Variants in BANP observed in about 807,000 individuals in gnomAD.
The protein encoded by BANP is protein BANP.
In BANP, 11 loss-of-function variants were observed where a neutral mutation model predicts 68.1. The observed-to-expected ratio is 0.16, with a 90% CI of 0.10 to 0.27. BANP has a LOEUF of 0.27. Among genes scored for constraint, BANP ranks in the 10% least tolerant of loss-of-function variants. The pLI is 1.00. For synonymous variants in BANP, 329 were observed against 303.2 expected (o/e 1.09, Z -0.88); for missense variants, 504 against 722.7 (o/e 0.70, Z 3.47).
At chr16:87,999,024 A>C (rs1257182063) in intron 4 of BANP, among the ~76,000 whole-genome samples, 11 of 107,366 alleles carry the variant, frequency 1.0e-4, no homozygotes, top group African/African-American at 2.6e-4. Context: ...GTCTCCATGC[A>C]CGCACGTGTG....
chr16:88,024,474 C>T (rs994925486), intron 7 of BANP, among the ~76,000 whole-genome samples: 27 of 152,208 alleles, frequency 1.8e-4, no homozygotes, highest in African/African-American at 6.3e-4. Flanking sequence ...ATCTTTTGAT[C>T]CCATCATGAT....
chr16:87,996,362 A>G (rs1228762765), intron 4 of BANP, among the ~76,000 whole-genome samples: 2 of 152,138 alleles, frequency 1.3e-5, no homozygotes, highest in East Asian at 3.9e-4. Flanking sequence ...TGGCTGCATG[A>G]GTTGGATGTT....
At chr16:88,073,485 C>T (rs896155562) in intron 13 of BANP, among the ~76,000 whole-genome samples, 8 of 152,166 alleles carry the variant, frequency 5.3e-5, no homozygotes, top group South Asian at 2.1e-4. Context: ...ACATTGTCGC[C>T]GACCTCACTG....
intron 11 of BANP, among the ~76,000 whole-genome samples, chr16:88,062,418 G>A (rs527908443): frequency 1.1e-4 from 16 of 152,206 alleles, no homozygotes; most frequent in South Asian, 6.2e-4. Flanking sequence ...CCTTTAGGCC[G>A]GGGTTCCCTC....
Position 88,050,576 on chromosome 16 carries a change from C to G in BANP, c.1311+12565C>G, listed in dbSNP as rs568566373. Among the ~76,000 whole-genome samples, 5 of 152,350 alleles carry G rather than the reference C, an allele frequency of 3.3e-5. No homozygotes were observed. The South Asian group carries it at 1.0e-3, about 32-fold the overall frequency. ...CGTTGCAGCCCACAGGAGTCTCATC[C>G]AGACCTGGCGGAATTAGGACCAGGC... is the stretch of plus-strand genomic sequence containing the variant. On this transcript the variant is annotated intron_variant, in intron 11 of 13. Coordinates refer to ENST00000682872, the MANE Select transcript of BANP (RefSeq NM_001386991.1).
intron 2 of BANP, among the ~76,000 whole-genome samples, chr16:87,975,801 C>G (rs1303302538): frequency 6.9e-6 from 1 of 145,050 alleles, no homozygotes; most frequent in African/African-American, 2.6e-5. Context: ...GTGTAATCCC[C>G]TGTGTGCGGC....
intron 4 of BANP, among the ~76,000 whole-genome samples, chr16:87,990,754 CTTTTGTTTTG>C (rs771403112): frequency 6.6e-6 from 1 of 152,018 alleles, no homozygotes; most frequent in Non-Finnish European, 1.5e-5. Flanking sequence ...CAGCTGCATA[CTTTTGTTTTG>C]TTTTGTTTTG....
At chr16:88,069,560 C>A (rs985148743) in intron 12 of BANP, among the ~76,000 whole-genome samples, 6 of 152,122 alleles carry the variant, frequency 3.9e-5, no homozygotes, top group Admixed American at 6.5e-5. Context: ...GCCTCGGGGA[C>A]CCAGGTGCTT....
intron 7 of BANP, among the ~76,000 whole-genome samples, chr16:88,022,323 C>T (rs1199608461): frequency 6.6e-6 from 1 of 152,208 alleles, no homozygotes; most frequent in East Asian, 1.9e-4. Context: ...AAGGCCGTGC[C>T]ACCCTGAACA....
At chr16:88,042,383 C>T (rs568587590) in intron 11 of BANP, among the ~76,000 whole-genome samples, 4 of 152,354 alleles carry the variant, frequency 2.6e-5, no homozygotes, top group Non-Finnish European at 4.4e-5. Flanking sequence ...AGCGCTGTGT[C>T]TCAGCCTCCC....
chr16:87,965,311 G>A (rs946502350), intron 1 of BANP, among the ~76,000 whole-genome samples: 2 of 152,164 alleles, frequency 1.3e-5, no homozygotes, highest in Non-Finnish European at 2.9e-5. Flanking sequence ...GATCTGGAGG[G>A]GATGTGAGCA....
rs1337025868 is a variant in BANP, at chr16:88,057,761, G to T, written c.1312-7506G>T. ...GGGGCCATCTGGGTGGGGCGGGGGGGGGGGTGCGTGCAGTGACTCGCGCTG... is the reference window on the plus strand; with the variant it reads ...GGGGCCATCTGGGTGGGGCGGGGGGTGGGGTGCGTGCAGTGACTCGCGCTG... On this transcript the variant is annotated intron_variant, in intron 11 of 13. Coordinates refer to ENST00000682872, the MANE Select transcript of BANP (RefSeq NM_001386991.1). This position sits in a 1 kb window ranked among gnomAD's most constrained non-coding sequence, Gnocchi z 4.6. Among the ~76,000 whole-genome samples the T allele has an allele frequency of 2.7e-5, 4 of 145,828 alleles. No individual in the cohort carries two copies. The highest frequency in any genetic ancestry group is 7.6e-5 in the African/African-American group (3 of 39,438).
At chr16:88,034,511 G>A (rs568408215) in intron 9 of BANP, among the ~76,000 whole-genome samples, 1 of 152,200 alleles carries the variant, frequency 6.6e-6, no homozygotes, top group Admixed American at 6.5e-5. Flanking sequence ...TACTGAAACT[G>A]TCTAAATAGT....
At chr16:88,033,880 A>G (rs1324843997) in intron 9 of BANP, among the ~76,000 whole-genome samples, 1 of 152,004 alleles carries the variant, frequency 6.6e-6, no homozygotes, top group East Asian at 1.9e-4. Flanking sequence ...ATTCTGTGGC[A>G]TGAGAGTAGG....
In BANP at chr16:88,004,757, G is replaced by T. The variant is rs1331249765; in HGVS notation, c.479+346G>T. On this transcript the variant is annotated intron_variant, in intron 5 of 13. Coordinates refer to ENST00000682872, the MANE Select transcript of BANP (RefSeq NM_001386991.1). The surrounding 1 kb of genome is among the most constrained non-coding windows in gnomAD (Gnocchi z 7.0). ...GTCCTCACGTCTGTCTGTGCAGAGC[G>T]TGTCAGGCAAACAGACGCCCTCTCC... Among the ~76,000 whole-genome samples the T allele has an allele frequency of 6.6e-6, 1 of 152,236 alleles. No homozygotes were observed. The highest frequency in any genetic ancestry group is 2.4e-5 in the African/African-American group (1 of 41,452).
chr16:88,045,501 A>AGGACC (rs1024293010), intron 11 of BANP, among the ~76,000 whole-genome samples: 12 of 152,366 alleles, frequency 7.9e-5, no homozygotes, highest in African/African-American at 2.9e-4. Flanking sequence ...AGCAACAGGA[A>AGGACC]GGACCTTTCT....
chr16:88,065,940 T>G (rs1255199750), intron 12 of BANP, among the ~76,000 whole-genome samples: 1 of 151,724 alleles, frequency 6.6e-6, no homozygotes. Flanking sequence ...TTCCTGTCCC[T>G]CCTGGGCCCA....
Position 88,071,530 on chromosome 16 carries a change from C to T in BANP, c.1378-539C>T, listed in dbSNP as rs763675588. 1 of 456,578 alleles carries T rather than the reference C, an allele frequency of 2.2e-6. No homozygotes were observed. The highest frequency in any genetic ancestry group is 4.4e-6 in the Non-Finnish European group (1 of 226,950). 28.3% of individuals were successfully genotyped at this position (456,578 alleles called of 1,614,324 possible). On this transcript the variant is annotated intron_variant, in intron 12 of 13. Transcript: ENST00000682872. This position sits in a 1 kb window ranked among gnomAD's most constrained non-coding sequence, Gnocchi z 6.5. ...CACTTCCGCCCATCTTGGAACTGGGCCTCACTTTCCTGCGAGCTTCTGCTG... is the reference window on the plus strand; with the variant it reads ...CACTTCCGCCCATCTTGGAACTGGGTCTCACTTTCCTGCGAGCTTCTGCTG...
Position 88,004,427 on chromosome 16 carries a change from C to A in BANP, c.479+16C>A. 2.9e-6 allele frequency: 4 copies of A among 1,359,718 alleles called. No homozygotes were observed. Among genetic ancestry groups the A allele is most frequent in the Non-Finnish European group, 4.1e-6 (4 of 984,694 alleles). 84.2% of individuals were successfully genotyped at this position (1,359,718 alleles called of 1,614,324 possible). A position where few individuals can be genotyped will look rare whatever the true frequency, so the allele number is the denominator to read the frequency against. ...TCATTAGCAAGTCAGTAGCACGGCACCAACCCCACCTTTCCCTGCCACTGT... is the reference window on the plus strand; with the variant it reads ...TCATTAGCAAGTCAGTAGCACGGCAACAACCCCACCTTTCCCTGCCACTGT... On this transcript the variant is annotated intron_variant, in intron 5 of 13. Coordinates refer to ENST00000682872, the MANE Select transcript of BANP (RefSeq NM_001386991.1). The surrounding 1 kb of genome is among the most constrained non-coding windows in gnomAD (Gnocchi z 7.0).
Sources: allele counts gnomAD v4.1 joint callset (sites outside exome capture counted in the v4.1 genomes callset), GRCh38; gene constraint gnomAD v4.1.1; non-coding constraint Gnocchi (gnomAD v3.1); transcripts MANE v1.5; gene names NCBI Gene and HGNC (gene_info 2026-07-23, HGNC 2026-07-21).